The following TMEM230 variants were observed in gnomAD, a reference collection of about 807,000 sequenced individuals.
TMEM230 encodes UPF0414 transmembrane protein C20orf30.
Under a neutral mutation model 15.8 loss-of-function variants are expected in TMEM230, and 10 were observed. The observed-to-expected ratio is 0.63, with a 90% CI of 0.39 to 1.07. The LOEUF (loss-of-function observed/expected upper bound fraction) is 1.07, where lower values mean the gene tolerates loss of function less well. TMEM230 is among the 50% of genes least tolerant of loss of function. TMEM230 has a pLI of 0.01. For synonymous variants in TMEM230, 67 were observed against 76.9 expected (o/e 0.87, Z 0.68); for missense variants, 165 against 193.3 (o/e 0.85, Z 0.87).
At position 5,081,872 on chromosome 20, in the gene TMEM230, TC is replaced by T. The variant is rs1298729676; in HGVS notation, c.223-12524del. Among the ~76,000 whole-genome samples the T allele has an allele frequency of 1.8e-3, 72 of 39,250 alleles. 1 individual carries two copies. The highest frequency in any genetic ancestry group is 4.4e-3 in the African/African-American group (66 of 14,938). The allele number at this position is 39,250 out of a possible 152,430, so 25.7% of individuals were successfully genotyped here. ...TGAAATTCACTGATTTTCTTTTTTTTCTTTTTTTTTTTTTTTTTTTAGACAG... is the reference window on the plus strand; with the variant it reads ...TGAAATTCACTGATTTTCTTTTTTTTTTTTTTTTTTTTTTTTTTTAGACAG... On this transcript the variant is annotated intron_variant, in intron 3 of 3. Transcript: ENST00000612323.
At chr20:5,060,355 G>A in the TMEM230 span, among the ~76,000 whole-genome samples, 595 of 44,196 alleles carry the variant, frequency 0.013, 6 homozygotes, top group Middle Eastern at 0.029. Context: ...TTTTTTTTTT[G>A]AGATGGAGTC....
At chr20:5,104,305 C>G (rs978547867) in intron 4 of TMEM230, among the ~76,000 whole-genome samples, 8 of 152,228 alleles carry the variant, frequency 5.3e-5, no homozygotes, top group African/African-American at 1.9e-4. Flanking sequence ...AGTGATCCTC[C>G]TGCCTCGGCC....
intron 3 of TMEM230, among the ~76,000 whole-genome samples, chr20:5,083,217 C>T (rs372454948): frequency 3.6e-4 from 54 of 151,866 alleles, no homozygotes; most frequent in African/African-American, 1.3e-3. Context: ...CGTGAGCCAC[C>T]GCACCCGGCC....
chr20:5,112,955 C>G lies in TMEM230; in HGVS notation c.68+6G>C. The G allele has an allele frequency of 6.5e-7, 1 of 1,550,208 alleles. No individual in the cohort carries two copies. The highest frequency in any genetic ancestry group is 8.7e-7 in the Non-Finnish European group (1 of 1,146,872). ...CTGTCCCCGCCCTGCCGCACACACG[C>G]CTTACCGGAGCGCCGCGCCAGGCCG... On this transcript the variant is annotated splice_donor_region_variant and intron_variant, in intron 1 of 4. Coordinates refer to ENST00000342308, the MANE Select transcript of TMEM230 (RefSeq NM_001009923.2).
intron 3 of TMEM230, 84 bp downstream of exon 2, chr20:5,109,248 A>G (rs1476405052): frequency 2.8e-6 from 3 of 1,080,512 alleles, no homozygotes; most frequent in Non-Finnish European, 4.1e-6. Flanking sequence ...AAGGACAGTT[A>G]GCAAAATCTC....
intron 3 of TMEM230, among the ~76,000 whole-genome samples, chr20:5,079,190 T>C (rs2089101544): frequency 6.6e-6 from 1 of 152,178 alleles, no homozygotes; most frequent in Non-Finnish European, 1.5e-5. Context: ...GGTCTTGCCA[T>C]GTTGCCCAGG....
At chr20:5,101,387 G>T (rs1236356353) in intron 4 of TMEM230, among the ~76,000 whole-genome samples, 1 of 152,044 alleles carries the variant, frequency 6.6e-6, no homozygotes, top group Non-Finnish European at 1.5e-5. Flanking sequence ...TAAACTCTGT[G>T]TTTTTCTCAG....
At chr20:5,103,182 A>AGG (rs1039678402) in intron 4 of TMEM230, among the ~76,000 whole-genome samples, 1 of 152,158 alleles carries the variant, frequency 6.6e-6, no homozygotes, top group African/African-American at 2.4e-5. Flanking sequence ...ACATAGTCAG[A>AGG]GGGGTGCAGT....
intron 3 of TMEM230, among the ~76,000 whole-genome samples, chr20:5,078,275 C>T (rs149350565): frequency 1.1e-3 from 172 of 152,276 alleles, no homozygotes; most frequent in Admixed American, 1.8e-3. Context: ...CAAGGGACTG[C>T]GCATTTTCAT....
chr20:5,072,848 C>CAAA (rs3056051), intron 3 of TMEM230, among the ~76,000 whole-genome samples: 6 of 51,436 alleles, frequency 1.2e-4, no homozygotes, highest in Non-Finnish European at 2.0e-4. Flanking sequence ...GACTCCACCT[C>CAAA]AAAAAAAAAA....
chr20:5,082,364 C>T (rs2089207384), intron 3 of TMEM230, among the ~76,000 whole-genome samples: 1 of 152,056 alleles, frequency 6.6e-6, no homozygotes. Flanking sequence ...CCTCAGCCTC[C>T]CAAGTAGCTG....
At chr20:5,078,136 C>G in intron 3 of TMEM230, among the ~76,000 whole-genome samples, 1 of 152,126 alleles carries the variant, frequency 6.6e-6, no homozygotes, top group East Asian at 1.9e-4. Flanking sequence ...TTAGACACAG[C>G]CAAAGATGCT....
At chr20:5,092,246 T>C (rs2089529819) in intron 3 of TMEM230, among the ~76,000 whole-genome samples, 1 of 152,092 alleles carries the variant, frequency 6.6e-6, no homozygotes, top group Non-Finnish European at 1.5e-5. Context: ...AAAAATATAG[T>C]GGAAGATCAT....
chr20:5,081,873 CTT>C (rs10547417), intron 3 of TMEM230, among the ~76,000 whole-genome samples: 8 of 43,856 alleles, frequency 1.8e-4, no homozygotes, highest in African/African-American at 1.9e-4. Context: ...TCTTTTTTTT[CTT>C]TTTTTTTTTT....
chr20:5,061,702 G>A, the TMEM230 span, among the ~76,000 whole-genome samples: 2 of 152,132 alleles, frequency 1.3e-5, no homozygotes, highest in Non-Finnish European at 2.9e-5. Context: ...ACACTGGATT[G>A]GGGAATCATG....
chr20:5,083,310 T>TC (rs1568485746), intron 3 of TMEM230, among the ~76,000 whole-genome samples: 3 of 107,180 alleles, frequency 2.8e-5, no homozygotes, highest in Non-Finnish European at 1.9e-5. Flanking sequence ...TTTTTTTTTT[T>TC]AGGAGCAGAG....
chr20:5,093,571 C>G (rs182407521), intron 3 of TMEM230, among the ~76,000 whole-genome samples: 1 of 136,920 alleles, frequency 7.3e-6, no homozygotes, highest in East Asian at 2.2e-4. Context: ...GAGTCTTGCT[C>G]TGTCGCCCAG....
chr20:5,080,084 T>C (rs1427534905), intron 3 of TMEM230, among the ~76,000 whole-genome samples: 1 of 152,242 alleles, frequency 6.6e-6, no homozygotes, highest in Non-Finnish European at 1.5e-5. Context: ...TATTTTGTTT[T>C]ATAGTTATTG....
chr20:5,104,871 G>A (rs966771605), intron 4 of TMEM230, among the ~76,000 whole-genome samples: 1 of 152,186 alleles, frequency 6.6e-6, no homozygotes, highest in Non-Finnish European at 1.5e-5. Flanking sequence ...CCAAAGGCTG[G>A]GAAAGGTAGG....
Sources: gnomAD v4.1 joint callset for allele counts (sites outside exome capture counted in the v4.1 genomes callset) on GRCh38, gnomAD v4.1.1 for gene constraint, MANE v1.5 for transcripts, NCBI Gene and HGNC (gene_info 2026-07-23, HGNC 2026-07-21) for gene names.